Variants in CTNNA2 observed in about 807,000 individuals in gnomAD.
The protein encoded by CTNNA2 is catenin alpha 2, also known as catenin alpha-2.
A neutral mutation model predicts 101.0 loss-of-function variants in CTNNA2; 42 were observed. The observed-to-expected ratio is 0.42, with a 90% CI of 0.32 to 0.54. The LOEUF (loss-of-function observed/expected upper bound fraction) is 0.54. CTNNA2 is among the 20% of genes least tolerant of loss of function. The pLI, the probability that CTNNA2 is intolerant of heterozygous loss-of-function variation, is 0.14. For missense variants in CTNNA2, 871 were observed against 1,223.1 expected (o/e 0.71, Z 4.29); for synonymous variants, 450 against 456.4 (o/e 0.99, Z 0.18).
chr2:79,403,389 C>A (rs1303178990), intron 4 of CTNNA2, among the ~76,000 whole-genome samples: 1 of 151,892 alleles, frequency 6.6e-6, no homozygotes, highest in East Asian at 1.9e-4. Context: ...TGGTTATTTA[C>A]ATTTGAATTT....
At chr2:80,264,154 C>T (rs556570638) in intron 7 of CTNNA2, among the ~76,000 whole-genome samples, 1 of 152,106 alleles carries the variant, frequency 6.6e-6, no homozygotes, top group African/African-American at 2.4e-5. Context: ...TGCTTAATAC[C>T]AAGGAGTATT....
chr2:80,598,158 G>T (rs1697150394), intron 15 of CTNNA2, among the ~76,000 whole-genome samples: 1 of 152,056 alleles, frequency 6.6e-6, no homozygotes, highest in South Asian at 2.1e-4. Flanking sequence ...TAATTGCAGG[G>T]ACATGGATGA....
intron 2 of CTNNA2, among the ~76,000 whole-genome samples, chr2:79,199,463 A>G (rs903925343): frequency 2.0e-5 from 3 of 152,154 alleles, no homozygotes; most frequent in African/African-American, 7.2e-5. Context: ...GACTTCTAGG[A>G]AAGCATTTGT....
intron 7 of CTNNA2, among the ~76,000 whole-genome samples, chr2:80,213,476 G>T (rs1368148506): frequency 6.6e-6 from 1 of 152,194 alleles, no homozygotes; most frequent in Non-Finnish European, 1.5e-5. Context: ...TATGTACCCA[G>T]TAGTCATTCA....
At chr2:79,812,434 CTGAAATGATG>C (rs1329732118) in intron 3 of CTNNA2, among the ~76,000 whole-genome samples, 10 of 152,012 alleles carry the variant, frequency 6.6e-5, no homozygotes, top group Admixed American at 6.6e-4. Flanking sequence ...AGTCACTAGC[CTGAAATGATG>C]TTAAATATTT....
chr2:79,456,254 A>C (rs1195644146), intron 4 of CTNNA2, among the ~76,000 whole-genome samples: 4 of 151,716 alleles, frequency 2.6e-5, no homozygotes, highest in Non-Finnish European at 4.4e-5. Flanking sequence ...GAAATATCTT[A>C]GAATCTGTCT....
chr2:79,706,673 A>G (rs962853204), intron 2 of CTNNA2, among the ~76,000 whole-genome samples: 3 of 152,182 alleles, frequency 2.0e-5, no homozygotes, highest in African/African-American at 7.2e-5. Context: ...AGAGTCCCAG[A>G]TGGCTGAGGA....
chr2:80,525,858 G>A (rs1327227402), intron 9 of CTNNA2, among the ~76,000 whole-genome samples: 1 of 152,152 alleles, frequency 6.6e-6, no homozygotes, highest in Non-Finnish European at 1.5e-5. Flanking sequence ...CCTGGGACCT[G>A]CAAACAGACT....
At chr2:80,500,655 T>A (rs1573050974) in intron 9 of CTNNA2, among the ~76,000 whole-genome samples, 1 of 152,218 alleles carries the variant, frequency 6.6e-6, no homozygotes, top group Non-Finnish European at 1.5e-5. Flanking sequence ...CAATTGTGCC[T>A]TATACTTCCT....
At chr2:79,431,767 A>G (rs982357785) in intron 4 of CTNNA2, among the ~76,000 whole-genome samples, 3 of 152,166 alleles carry the variant, frequency 2.0e-5, no homozygotes, top group African/African-American at 7.2e-5. Flanking sequence ...CAAAAGTCCT[A>G]TTCAGTAATT....
chr2:79,247,616 T>C, intron 2 of CTNNA2, among the ~76,000 whole-genome samples: 1 of 152,220 alleles, frequency 6.6e-6, no homozygotes, highest in East Asian at 1.9e-4. Flanking sequence ...AAATACAACC[T>C]ATGACTAACC....
chr2:80,075,598 A>ATAAAAT lies in CTNNA2; in HGVS notation c.1056+165801_1056+165802insTAAAAT, dbSNP rs1558783298. 6.9e-4 allele frequency among the ~76,000 whole-genome samples: 51 copies of ATAAAAT among 73,964 alleles called. 1 individual carries two copies. Among genetic ancestry groups the ATAAAAT allele is most frequent in the Non-Finnish European group, 1.1e-3 (37 of 33,254 alleles). 48.5% of individuals were successfully genotyped at this position (73,964 alleles called of 152,430 possible). On this transcript the variant is annotated intron_variant, in intron 7 of 18. Coordinates refer to ENST00000402739, the MANE Select transcript of CTNNA2 (RefSeq NM_001282597.3). ...ATAATATTTATACATGTATAAATAT[A>ATAAAAT]AATATTTATACATGTATAAATATAA...
chr2:80,194,383 G>C (rs2149003299), intron 7 of CTNNA2, among the ~76,000 whole-genome samples: 1 of 152,274 alleles, frequency 6.6e-6, no homozygotes, highest in South Asian at 2.1e-4. Context: ...AAATTAATGT[G>C]AGATGTTCTT....
intron 3 of CTNNA2, among the ~76,000 whole-genome samples, chr2:79,769,198 C>T (rs1326559903): frequency 6.6e-6 from 1 of 152,012 alleles, no homozygotes; most frequent in Non-Finnish European, 1.5e-5. Flanking sequence ...TTCTTTTTTT[C>T]CCCTTAAAAA....
At chr2:79,891,159 C>T (rs1423692116) in intron 6 of CTNNA2, among the ~76,000 whole-genome samples, 1 of 151,996 alleles carries the variant, frequency 6.6e-6, no homozygotes, top group African/African-American at 2.4e-5. Context: ...GATGCCCATA[C>T]ATATTACTTG....
chr2:79,995,764 G>T lies in CTNNA2; in HGVS notation c.1056+85967G>T, dbSNP rs1396343335. Among the ~76,000 whole-genome samples, 3 of 152,132 alleles carry T rather than the reference G, an allele frequency of 2.0e-5. No individual in the cohort carries two copies. The East Asian group carries it at 5.8e-4, about 29-fold the overall frequency. Reference sequence around the variant, plus strand: ...GGAGGTTGAGGTTGGAGTGAGCTATGATGGATCACACCACTGCACTCCAGC... The same window carrying T: ...GGAGGTTGAGGTTGGAGTGAGCTATTATGGATCACACCACTGCACTCCAGC... On this transcript the variant is annotated intron_variant, in intron 7 of 18. Coordinates refer to ENST00000402739, the MANE Select transcript of CTNNA2 (RefSeq NM_001282597.3).
chr2:80,096,839 T>G (rs554825163), intron 7 of CTNNA2, among the ~76,000 whole-genome samples: 167 of 152,342 alleles, frequency 1.1e-3, no homozygotes, highest in South Asian at 8.3e-3. Context: ...CCCTGCCTTT[T>G]TTTCTTTTCC....
intron 4 of CTNNA2, among the ~76,000 whole-genome samples, chr2:79,467,670 G>A (rs1670954295): frequency 6.6e-6 from 1 of 152,220 alleles, no homozygotes; most frequent in Non-Finnish European, 1.5e-5. Context: ...CAGACTAAGA[G>A]CGGATCTCTC....
intron 3 of CTNNA2, among the ~76,000 whole-genome samples, chr2:79,745,041 A>G (rs1671545910): frequency 6.6e-6 from 1 of 152,196 alleles, no homozygotes; most frequent in South Asian, 2.1e-4. Context: ...CAAGCTAGCC[A>G]CTCATTAATA....
Sources: gnomAD v4.1 joint callset for allele counts (sites outside exome capture counted in the v4.1 genomes callset) on GRCh38, gnomAD v4.1.1 for gene constraint, MANE v1.5 for transcripts, NCBI Gene and HGNC (gene_info 2026-07-23, HGNC 2026-07-21) for gene names.